The following TENT4B variants were observed in gnomAD, a reference collection of about 807,000 sequenced individuals.
TENT4B encodes PAP associated domain containing 5.
TENT4B carries 10 observed loss-of-function variants against 75.0 expected under a neutral mutation model. That is an observed-to-expected ratio of 0.13 (90% CI 0.08 to 0.23). The LOEUF (loss-of-function observed/expected upper bound fraction) is 0.23, where lower values mean the gene tolerates loss of function less well. TENT4B is among the 10% of genes least tolerant of loss of function. The probability of loss-of-function intolerance (pLI) is 1.00; values close to 1 mark genes in which losing one functional copy is unlikely to be tolerated. For synonymous variants in TENT4B, 350 were observed against 357.7 expected (o/e 0.98, Z 0.24); for missense variants, 579 against 893.8 (o/e 0.65, Z 4.49).
chr16:50,153,259 G>T (rs1247533602), upstream of TENT4B, among the ~76,000 whole-genome samples: 2 of 143,774 alleles, frequency 1.4e-5, no homozygotes, highest in African/African-American at 2.5e-5. Context: ...AGGACGCTAC[G>T]GAGCAGGCGC....
chr16:50,209,980 G>A (rs1271111143), intron 1 of TENT4B, among the ~76,000 whole-genome samples: 1 of 152,126 alleles, frequency 6.6e-6, no homozygotes, highest in Non-Finnish European at 1.5e-5. Context: ...TTGCCATGCA[G>A]TTGCAGACAT....
At chr16:50,211,963 C>G (rs886851320) in intron 2 of TENT4B, among the ~76,000 whole-genome samples, 2 of 152,128 alleles carry the variant, frequency 1.3e-5, no homozygotes, top group Non-Finnish European at 2.9e-5. Context: ...TCTCTCAGAC[C>G]AGCTAATTGC....
chr16:50,200,381 AAAG>A (rs759658043), intron 1 of TENT4B, among the ~76,000 whole-genome samples: 1 of 152,124 alleles, frequency 6.6e-6, no homozygotes, highest in Non-Finnish European at 1.5e-5. Context: ...AAAAAAGAGA[AAAG>A]AAAAAAAGAT....
At chr16:50,193,042 C>G (rs2029953359) in intron 1 of TENT4B, among the ~76,000 whole-genome samples, 1 of 152,162 alleles carries the variant, frequency 6.6e-6, no homozygotes, top group Non-Finnish European at 1.5e-5. Context: ...GCACTCTAGC[C>G]TAGGTGACAG....
rs879783931 is a variant in TENT4B, at chr16:50,216,777, T to C, written c.930+582T>C. 3.1e-3 allele frequency among the ~76,000 whole-genome samples: 470 copies of C among 152,212 alleles called. 2 individuals carry two copies. Among genetic ancestry groups the C allele is most frequent in the Admixed American group, 5.2e-3 (80 of 15,290 alleles). On this transcript the variant is annotated intron_variant, in intron 4 of 11. Transcript: ENST00000561678. Reference sequence around the variant, plus strand: ...TCAAGTGATCCTCCCACCTCAGCCTTATGTGTATCTGGGACTAAGGCGCAC... The same window carrying C: ...TCAAGTGATCCTCCCACCTCAGCCTCATGTGTATCTGGGACTAAGGCGCAC...
chr16:50,197,337 G>A (rs564644361), intron 1 of TENT4B, among the ~76,000 whole-genome samples: 5 of 152,282 alleles, frequency 3.3e-5, no homozygotes, highest in African/African-American at 1.2e-4. Context: ...CACCCAGGCT[G>A]GAGTGCAGTG....
chr16:50,159,571 A>G (rs146790040), intron 1 of TENT4B, among the ~76,000 whole-genome samples: 3 of 152,146 alleles, frequency 2.0e-5, no homozygotes, highest in East Asian at 3.9e-4. Flanking sequence ...AGTGTTACCA[A>G]TGAGATTGGT....
intron 1 of TENT4B, among the ~76,000 whole-genome samples, chr16:50,185,647 C>A (rs755913506): frequency 1.3e-5 from 2 of 152,152 alleles, no homozygotes; most frequent in Non-Finnish European, 2.9e-5. Flanking sequence ...GAAGAGGATG[C>A]AGAGTAACGT....
chr16:50,229,752 G>T lies in TENT4B; in HGVS notation c.*424G>T. ...ACAAAGGTATCTGATAGGAAGTCCA[G>T]ATTCCAAAGGGGAAAGTGATCTGTG... On this transcript the variant is annotated 3_prime_UTR_variant, in exon 12 of 12. Transcript: ENST00000561678. 1 of 986,450 alleles carries T rather than the reference G, an allele frequency of 1.0e-6. No homozygotes were observed. Among genetic ancestry groups the T allele is most frequent in the Non-Finnish European group, 1.2e-6 (1 of 830,358 alleles). The allele number at this position is 986,450 out of a possible 1,614,324, so 61.1% of individuals were successfully genotyped here.
intron 1 of TENT4B, among the ~76,000 whole-genome samples, chr16:50,199,008 T>A (rs529058227): frequency 6.6e-6 from 1 of 152,350 alleles, no homozygotes; most frequent in African/African-American, 2.4e-5. Flanking sequence ...CTCAAGTGCC[T>A]ATCTCTCCCC....
chr16:50,156,621 G>A lies in TENT4B; in HGVS notation c.638+2362G>A, dbSNP rs999868042. ...GGCCTCCCAAAGGACTGGGATTACA[G>A]GCATGAGCCACCGTGCCCGGCCTCA... On this transcript the variant is annotated intron_variant, in intron 1 of 11. Coordinates refer to ENST00000561678, the MANE Select transcript of TENT4B (RefSeq NM_001365324.3). Among the ~76,000 whole-genome samples, 5 of 152,088 alleles carry A rather than the reference G, an allele frequency of 3.3e-5. No individual in the cohort carries two copies. The South Asian group carries it at 1.0e-3, about 31-fold the overall frequency.
rs1361676757 is a variant in TENT4B at position 50,229,615 on chromosome 16, AAAAT to A, written c.*293_*296del. 2.7e-6 allele frequency: 3 copies of A among 1,114,232 alleles called. No homozygotes were observed. The highest frequency in any genetic ancestry group is 3.3e-5 in the African/African-American group (2 of 61,358). 69.0% of individuals were successfully genotyped at this position (1,114,232 alleles called of 1,614,324 possible). ...ATTTTAAGATTTAAAGCTTGAATGT[AAAAT>A]AAATATATTTCTCATTGGCTTTATG... On this transcript the variant is annotated 3_prime_UTR_variant, in exon 12 of 12. Transcript: ENST00000561678.
At chr16:50,224,541 C>A in intron 7 of TENT4B, 116 bp from the exon 8 acceptor site, 1 of 1,327,890 alleles carries the variant, frequency 7.5e-7, no homozygotes, top group Admixed American at 2.3e-5. Context: ...GCTCAGCTTC[C>A]AGGCACAACT....
At chr16:50,188,936 C>T (rs1039989702) in intron 1 of TENT4B, among the ~76,000 whole-genome samples, 3 of 152,124 alleles carry the variant, frequency 2.0e-5, no homozygotes, top group Admixed American at 6.5e-5. Context: ...TGTTCTGCTC[C>T]CCACCCTCCC....
intron 1 of TENT4B, 71 bp downstream of exon 1, chr16:50,154,330 G>C (rs2037845899): frequency 5.1e-6 from 7 of 1,380,098 alleles, no homozygotes; most frequent in Non-Finnish European, 5.6e-6. Flanking sequence ...CCCACAGAGG[G>C]GGGTTGTGAG....
chr16:50,153,290 G>A (rs1256000595), upstream of TENT4B, among the ~76,000 whole-genome samples: 2 of 95,752 alleles, frequency 2.1e-5, no homozygotes, highest in African/African-American at 8.3e-5. Context: ...CGCCGCTGCC[G>A]CCGCCGCCGC....
rs553194666 is a variant in TENT4B, at chr16:50,216,778, ATGTG to A, written c.930+585_930+588del. Among the ~76,000 whole-genome samples the A allele has an allele frequency of 3.1e-3, 470 of 152,132 alleles. 2 individuals are homozygous for A. The highest frequency in any genetic ancestry group is 5.2e-3 in the Admixed American group (80 of 15,274). ...CAAGTGATCCTCCCACCTCAGCCTTATGTGTATCTGGGACTAAGGCGCACCCTAC... is the reference window on the plus strand; with the variant it reads ...CAAGTGATCCTCCCACCTCAGCCTTATATCTGGGACTAAGGCGCACCCTAC... On this transcript the variant is annotated intron_variant, in intron 4 of 11. Coordinates refer to ENST00000561678, the MANE Select transcript of TENT4B (RefSeq NM_001365324.3).
At chr16:50,217,059 A>G (rs1006470560) in intron 4 of TENT4B, among the ~76,000 whole-genome samples, 8 of 152,174 alleles carry the variant, frequency 5.3e-5, no homozygotes, top group South Asian at 2.1e-4. Flanking sequence ...CAGTTTGATG[A>G]TACAAAACAT....
chr16:50,220,510 T>C (rs1312755437), intron 5 of TENT4B, among the ~76,000 whole-genome samples: 2 of 151,940 alleles, frequency 1.3e-5, no homozygotes, highest in African/African-American at 2.4e-5. Flanking sequence ...GAACTGTATC[T>C]AGACTGACTT....
Sources: gnomAD v4.1 joint callset for allele counts (sites outside exome capture counted in the v4.1 genomes callset) on GRCh38, gnomAD v4.1.1 for gene constraint, MANE v1.5 for transcripts, NCBI Gene and HGNC (gene_info 2026-07-23, HGNC 2026-07-21) for gene names.